The following FGF12 variants were observed in gnomAD, a reference collection of about 807,000 sequenced individuals.
FGF12 encodes fibroblast growth factor 12.
Under a neutral mutation model 23.6 loss-of-function variants are expected in FGF12, and 14 were observed. The observed-to-expected ratio is 0.59, with a 90% confidence interval of 0.39 to 0.93. The LOEUF is 0.93. Among genes scored for constraint, FGF12 ranks in the 40% least tolerant of loss-of-function variants. FGF12 has a pLI of 0.00. For missense variants in FGF12, 175 were observed against 217.8 expected (o/e 0.80, Z 1.24); for synonymous variants, 62 against 77.3 (o/e 0.80, Z 1.04).
At chr3:192,614,730 C>G (rs762296226) in intron 2 of FGF12, among the ~76,000 whole-genome samples, 21 of 151,936 alleles carry the variant, frequency 1.4e-4, no homozygotes, top group Non-Finnish European at 2.7e-4. Context: ...AAAGGAAGAA[C>G]AGAGAGACAG....
intron 2 of FGF12, among the ~76,000 whole-genome samples, chr3:192,595,055 T>C (rs1435106958): frequency 2.0e-5 from 3 of 152,246 alleles, no homozygotes; most frequent in Non-Finnish European, 2.9e-5. Context: ...AATAACTCCA[T>C]AGGTAACAGT....
At position 192,723,839 on chromosome 3, in the gene FGF12, A is replaced by G. The variant is rs1335644930; in HGVS notation, c.13+3342T>C. On this transcript the variant is annotated intron_variant, in intron 2 of 5. Coordinates refer to ENST00000445105, the MANE Select transcript of FGF12 (RefSeq NM_004113.6). ...TGTGATATAGGTGGGGGTCAGTGGGAGGTGAGAGTGTGTGTGTGTGTGTGA... is the reference window on the plus strand; with the variant it reads ...TGTGATATAGGTGGGGGTCAGTGGGGGGTGAGAGTGTGTGTGTGTGTGTGA... Among the ~76,000 whole-genome samples, 10 of 120,814 alleles carry G rather than the reference A, an allele frequency of 8.3e-5. No homozygotes were observed. The South Asian group carries it at 2.9e-3, about 36-fold the overall frequency. The allele number at this position is 120,814 out of a possible 152,430, so 79.3% of individuals were successfully genotyped here.
chr3:192,439,750 G>A (rs1576982977), intron 2 of FGF12, among the ~76,000 whole-genome samples: 1 of 152,202 alleles, frequency 6.6e-6, no homozygotes, highest in South Asian at 2.1e-4. Context: ...GCCAAGGTGG[G>A]TGAATCACAA....
chr3:192,408,085 C>T lies in FGF12; in HGVS notation c.14-47547G>A, dbSNP rs376550930. ...CAGAAGCGCACTTTGCTGAACACCC[C>T]GAGGACGTGCCTCTCGCACAGGGAG... is the stretch of plus-strand genomic sequence containing the variant. On this transcript the variant is annotated intron_variant, in intron 2 of 5. Coordinates refer to ENST00000445105, the MANE Select transcript of FGF12 (RefSeq NM_004113.6). This position sits in a 1 kb window ranked among gnomAD's most constrained non-coding sequence, Gnocchi z 7.3. The T allele has an allele frequency of 5.6e-6, 9 of 1,613,062 alleles. No individual in the cohort carries two copies. The highest frequency in any genetic ancestry group is 3.3e-5 in the Admixed American group (2 of 60,004).
chr3:192,184,517 T>C (rs936443518), intron 4 of FGF12, among the ~76,000 whole-genome samples: 2 of 152,182 alleles, frequency 1.3e-5, no homozygotes, highest in African/African-American at 4.8e-5. Context: ...AGATGGTGAA[T>C]GGAGAAAATA....
intron 2 of FGF12, among the ~76,000 whole-genome samples, chr3:192,670,595 C>T (rs1717074655): frequency 1.3e-5 from 2 of 152,048 alleles, no homozygotes; most frequent in Non-Finnish European, 2.9e-5. Flanking sequence ...GATAGATCTA[C>T]GGGCAGATCA....
At chr3:192,178,703 G>A (rs571078233) in intron 4 of FGF12, among the ~76,000 whole-genome samples, 2 of 152,214 alleles carry the variant, frequency 1.3e-5, no homozygotes, top group African/African-American at 2.4e-5. Context: ...TCACCCTGTT[G>A]GCCAGACGGG....
Position 192,408,150 on chromosome 3 carries a change from G to A in FGF12, c.14-47612C>T, listed in dbSNP as rs1157015897. ...GGGGCTGGAGCGGCGCTTGGAGGCC[G>A]ACACTCGGTCGCTGTTGGACTCCCT... On this transcript the variant is annotated intron_variant, in intron 2 of 5. Coordinates refer to ENST00000445105, the MANE Select transcript of FGF12 (RefSeq NM_004113.6). The surrounding 1 kb of genome is among the most constrained non-coding windows in gnomAD (Gnocchi z 7.3). 6.2e-7 allele frequency: 1 copy of A among 1,611,780 alleles called. No individual in the cohort carries two copies. Among genetic ancestry groups the A allele is most frequent in the Non-Finnish European group, 8.5e-7 (1 of 1,179,950 alleles).
intron 2 of FGF12, among the ~76,000 whole-genome samples, chr3:192,585,713 C>G (rs965706099): frequency 2.0e-5 from 3 of 152,102 alleles, no homozygotes; most frequent in African/African-American, 7.2e-5. Context: ...CACCCACAAC[C>G]AGCAAAACAA....
intron 2 of FGF12, among the ~76,000 whole-genome samples, chr3:192,414,298 C>CA (rs1368963786): frequency 2.6e-5 from 4 of 152,134 alleles, no homozygotes; most frequent in African/African-American, 9.7e-5. Context: ...GTCATATCGC[C>CA]ATTTTATAAA....
chr3:192,255,280 T>A (rs1326969998), intron 4 of FGF12, among the ~76,000 whole-genome samples: 1 of 152,058 alleles, frequency 6.6e-6, no homozygotes. Context: ...TTTAAATTAT[T>A]AATATTATAA....
At chr3:192,203,167 A>G (rs952605861) in intron 4 of FGF12, among the ~76,000 whole-genome samples, 3 of 151,884 alleles carry the variant, frequency 2.0e-5, no homozygotes, top group African/African-American at 7.3e-5. Flanking sequence ...GTGTACATGC[A>G]CACTAGGTAA....
At chr3:192,388,154 G>C (rs1025546370) in intron 2 of FGF12, among the ~76,000 whole-genome samples, 1 of 152,038 alleles carries the variant, frequency 6.6e-6, no homozygotes, top group Non-Finnish European at 1.5e-5. Context: ...CCAGATACTT[G>C]GGAGGTTGAG....
chr3:192,266,744 A>G, intron 4 of FGF12, among the ~76,000 whole-genome samples: 1 of 151,810 alleles, frequency 6.6e-6, no homozygotes, highest in East Asian at 1.9e-4. Context: ...ACTAACCCGA[A>G]TGGCTTTATT....
At chr3:192,504,066 T>C (rs1724217529) in intron 2 of FGF12, among the ~76,000 whole-genome samples, 2 of 152,008 alleles carry the variant, frequency 1.3e-5, no homozygotes, top group Admixed American at 1.3e-4. Flanking sequence ...GAGGCCGTTA[T>C]CCTAAGCGAA....
chr3:192,512,637 G>A (rs1489021318), intron 2 of FGF12, among the ~76,000 whole-genome samples: 2 of 151,224 alleles, frequency 1.3e-5, no homozygotes, highest in Non-Finnish European at 3.0e-5. Context: ...CGTAAAGGTA[G>A]TTTAGTTCCC....
chr3:192,471,536 T>C (rs555780508), intron 2 of FGF12, among the ~76,000 whole-genome samples: 3 of 152,234 alleles, frequency 2.0e-5, no homozygotes, highest in Non-Finnish European at 4.4e-5. Flanking sequence ...CCATGGTTCA[T>C]ATTTTATTTC....
intron 4 of FGF12, among the ~76,000 whole-genome samples, chr3:192,192,372 T>A (rs1023821489): frequency 5.3e-5 from 8 of 150,098 alleles, no homozygotes; most frequent in Admixed American, 1.3e-4. Context: ...CATTTACACA[T>A]ATACTTTTCA....
At chr3:192,386,329 G>T (rs1341943630) in intron 2 of FGF12, among the ~76,000 whole-genome samples, 1 of 152,162 alleles carries the variant, frequency 6.6e-6, no homozygotes. Flanking sequence ...CACACTGTAT[G>T]CTAGCTGCAG....
Sources: gnomAD v4.1 joint callset for allele counts (sites outside exome capture counted in the v4.1 genomes callset) on GRCh38, gnomAD v4.1.1 for gene constraint, Gnocchi (gnomAD v3.1) non-coding constraint, MANE v1.5 for transcripts, NCBI Gene and HGNC (gene_info 2026-07-23, HGNC 2026-07-21) for gene names.